KSR1: variants seen among roughly 807,000 people sequenced by gnomAD.
KSR1 encodes kinase suppressor of ras 1, also known as kinase suppressor of ras.
In KSR1, 35 loss-of-function variants were observed where a neutral mutation model predicts 92.9. That is an observed-to-expected ratio of 0.38 (90% CI 0.29 to 0.50). The LOEUF (loss-of-function observed/expected upper bound fraction) is 0.50, where lower values mean the gene tolerates loss of function less well. KSR1 is among the 20% of genes least tolerant of loss of function. The pLI is 0.94. For missense variants in KSR1, 972 were observed against 1,158.5 expected (o/e 0.84, Z 2.34); for synonymous variants, 467 against 472.6 (o/e 0.99, Z 0.15).
chr17:27,552,058 C>G (rs994194144), intron 2 of KSR1, among the ~76,000 whole-genome samples: 4 of 152,208 alleles, frequency 2.6e-5, no homozygotes, highest in African/African-American at 9.7e-5. Context: ...AGTGCTCTGC[C>G]CATGACTCAT....
At chr17:27,600,632 T>C (rs887667859) in intron 10 of KSR1, among the ~76,000 whole-genome samples, 1 of 152,122 alleles carries the variant, frequency 6.6e-6, no homozygotes, top group South Asian at 2.1e-4. Context: ...CACAGACACG[T>C]GAGGAATGCA....
At chr17:27,574,940 C>T (rs1458853628) in intron 2 of KSR1, among the ~76,000 whole-genome samples, 1 of 152,216 alleles carries the variant, frequency 6.6e-6, no homozygotes, top group African/African-American at 2.4e-5. Flanking sequence ...CATCTTACTG[C>T]ATTGTAGTTA....
At chr17:27,574,811 T>G (rs993453492) in intron 2 of KSR1, among the ~76,000 whole-genome samples, 3 of 152,240 alleles carry the variant, frequency 2.0e-5, no homozygotes, top group Non-Finnish European at 4.4e-5. Context: ...AGCAGTCATT[T>G]GATGTGGAAT....
chr17:27,605,878 G>A (rs1170297576), intron 14 of KSR1, 65 bp downstream of exon 14: 8 of 1,589,710 alleles, frequency 5.0e-6, no homozygotes, highest in Non-Finnish European at 6.8e-6. Flanking sequence ...AGGGAGCCCT[G>A]TTTGTGTGGA....
intron 2 of KSR1, chr17:27,566,637 T>C (rs2072084802): frequency 2.5e-6 from 1 of 398,722 alleles, no homozygotes; most frequent in Non-Finnish European, 4.4e-6. Context: ...GTCTGTTTGC[T>C]AGACTCTGAG....
At chr17:27,617,773 C>T (rs769372196) in intron 19 of KSR1, 28 of 288,206 alleles carry the variant, frequency 9.7e-5, no homozygotes, top group Middle Eastern at 1.6e-3. Flanking sequence ...AGTGATCCTC[C>T]TGCCTCAGCC....
At chr17:27,517,623 C>T (rs928253105) in intron 1 of KSR1, among the ~76,000 whole-genome samples, 1 of 152,138 alleles carries the variant, frequency 6.6e-6, no homozygotes, top group African/African-American at 2.4e-5. Flanking sequence ...TTTCATTGGA[C>T]GATAAACTAT....
chr17:27,545,350 T>C (rs1172506253), intron 1 of KSR1, among the ~76,000 whole-genome samples: 3 of 152,198 alleles, frequency 2.0e-5, no homozygotes, highest in Non-Finnish European at 1.5e-5. Flanking sequence ...TCTGGCACAA[T>C]GTATTGTGTT....
chr17:27,612,965 G>A (rs551563372), intron 18 of KSR1: 5 of 152,308 alleles, frequency 3.3e-5, no homozygotes, highest in South Asian at 2.1e-4. Flanking sequence ...CAGCTAGGGC[G>A]TCTTCAGAAG....
intron 2 of KSR1, among the ~76,000 whole-genome samples, chr17:27,562,379 G>A (rs1433266394): frequency 6.6e-6 from 1 of 152,262 alleles, no homozygotes; most frequent in Non-Finnish European, 1.5e-5. Flanking sequence ...CTGGGCCAGT[G>A]AAGGTTGCGT....
At chr17:27,570,324 G>C (rs569538477) in intron 2 of KSR1, among the ~76,000 whole-genome samples, 52 of 152,330 alleles carry the variant, frequency 3.4e-4, no homozygotes, top group Non-Finnish European at 6.3e-4. Flanking sequence ...CCTTGAGCAA[G>C]TTACCCGCCC....
At chr17:27,486,857 C>T (rs1402116629) in intron 1 of KSR1, among the ~76,000 whole-genome samples, 6 of 152,192 alleles carry the variant, frequency 3.9e-5, no homozygotes, top group Non-Finnish European at 5.9e-5. Context: ...CCGAGTCTAC[C>T]ACTCACTTGC....
chr17:27,556,901 G>C (rs932692083), intron 2 of KSR1, among the ~76,000 whole-genome samples: 2 of 152,292 alleles, frequency 1.3e-5, no homozygotes, highest in Non-Finnish European at 2.9e-5. Flanking sequence ...TTTCTCCCTG[G>C]CTGTCCTGAC....
chr17:27,516,631 A>G (rs551813485), intron 1 of KSR1, among the ~76,000 whole-genome samples: 2 of 152,308 alleles, frequency 1.3e-5, no homozygotes, highest in East Asian at 3.9e-4. Context: ...GAAAATTGAA[A>G]CACTCTTAAA....
chr17:27,592,036 T>C (rs1376586732), intron 7 of KSR1, among the ~76,000 whole-genome samples: 1 of 152,164 alleles, frequency 6.6e-6, no homozygotes, highest in Non-Finnish European at 1.5e-5. Context: ...CTTGAGCTTT[T>C]TCAATATGGG....
chr17:27,473,416 C>T (rs922341075), intron 1 of KSR1, among the ~76,000 whole-genome samples: 3 of 152,056 alleles, frequency 2.0e-5, no homozygotes, highest in Admixed American at 1.3e-4. Flanking sequence ...AGTAACAGAG[C>T]GTGGGGATCT....
chr17:27,568,084 T>G (rs2072157953), intron 2 of KSR1, among the ~76,000 whole-genome samples: 1 of 152,244 alleles, frequency 6.6e-6, no homozygotes, highest in South Asian at 2.1e-4. Flanking sequence ...TGCCTGTTAC[T>G]GCTGTGGGGC....
Position 27,550,712 on chromosome 17 carries a change from T to A in KSR1, c.372+4T>A. On this transcript the variant is annotated splice_donor_region_variant and intron_variant, in intron 2 of 20. Transcript: ENST00000644974. ...CGTGAGGCCGGAGGTGGTGCAGGTA[T>A]GCAAGCTGGTTCTCAGCATAGGGAT... 2.6e-6 allele frequency: 2 copies of A among 762,438 alleles called. No individual in the cohort carries two copies. The highest frequency in any genetic ancestry group is 4.8e-6 in the Non-Finnish European group (2 of 417,034). The allele number at this position is 762,438 out of a possible 1,614,324, so 47.2% of individuals were successfully genotyped here. A position where few individuals can be genotyped will look rare whatever the true frequency, so the allele number is the denominator to read the frequency against.
intron 1 of KSR1, 73 bp from the exon 2 acceptor site, chr17:27,550,495 G>T (rs2071357438): frequency 1.3e-6 from 1 of 748,504 alleles, no homozygotes; most frequent in African/African-American, 1.7e-5. Flanking sequence ...GAGCTCCTCT[G>T]TAGTGTGCTT....
Sources: gnomAD v4.1 joint callset for allele counts (sites outside exome capture counted in the v4.1 genomes callset) on GRCh38, gnomAD v4.1.1 for gene constraint, MANE v1.5 for transcripts, NCBI Gene and HGNC (gene_info 2026-07-23, HGNC 2026-07-21) for gene names.